RAPGEFL1: variants seen among roughly 807,000 people sequenced by gnomAD.
RAPGEFL1 encodes Rap guanine nucleotide exchange factor like 1.
RAPGEFL1 carries 31 observed loss-of-function variants against 64.4 expected under a neutral mutation model. The observed-to-expected ratio is 0.48, with a 90% CI of 0.36 to 0.65. RAPGEFL1 has a LOEUF of 0.65. RAPGEFL1 is among the 30% of genes least tolerant of loss of function. RAPGEFL1 has a pLI of 0.00. For synonymous variants in RAPGEFL1, 331 were observed against 274.1 expected, an observed-to-expected ratio of 1.21 and a Z score of -2.05; for missense variants, 682 against 677.4, an observed-to-expected ratio of 1.01 and a Z score of -0.08.
intron 2 of RAPGEFL1, among the ~76,000 whole-genome samples, chr17:40,183,950 T>C (rs922016008): frequency 3.3e-5 from 5 of 149,398 alleles, no homozygotes; most frequent in African/African-American, 5.0e-5. Flanking sequence ...TTCAAACGAT[T>C]CTTGTGCCTC....
chr17:40,185,400 C>T (rs953744326), intron 4 of RAPGEFL1, among the ~76,000 whole-genome samples: 1 of 151,710 alleles, frequency 6.6e-6, no homozygotes, highest in East Asian at 1.9e-4. Context: ...AGTAAAATGG[C>T]TGGGCAAGGT....
In RAPGEFL1 at chr17:40,177,544, C is replaced by T. The variant is rs900576873; in HGVS notation, c.-318C>T. On this transcript the variant is annotated 5_prime_UTR_variant, in exon 1 of 15. Coordinates refer to ENST00000620260, the MANE Select transcript of RAPGEFL1 (RefSeq NM_016339.6). The stretch of plus-strand genomic sequence containing the variant: ...CGCGTCCTCTCAGCCTTGCGCTCCG[C>T]CCGCTGCCTCTGCCGCCGCAGCGCA... The T allele has an allele frequency of 1.9e-6, 1 of 525,526 alleles. No homozygotes were observed. The highest frequency in any genetic ancestry group is 3.6e-5 in the Admixed American group (1 of 27,742). 32.6% of individuals were successfully genotyped at this position (525,526 alleles called of 1,614,324 possible).
chr17:40,178,927 G>A (rs1299471807), intron 1 of RAPGEFL1, among the ~76,000 whole-genome samples: 2 of 152,194 alleles, frequency 1.3e-5, no homozygotes, highest in Non-Finnish European at 2.9e-5. Flanking sequence ...TTGGTGGGGG[G>A]GATAGTATTC....
chr17:40,188,702 C>G, intron 4 of RAPGEFL1, 164 bp from the exon 5 acceptor site: 2 of 628,786 alleles, frequency 3.2e-6, no homozygotes, highest in Admixed American at 4.8e-5. Flanking sequence ...GGATAATTAT[C>G]CCATACTGCT....
At chr17:40,179,797 A>G (rs891871336) in intron 1 of RAPGEFL1, among the ~76,000 whole-genome samples, 2 of 152,088 alleles carry the variant, frequency 1.3e-5, no homozygotes, top group African/African-American at 4.8e-5. Context: ...GGGAACCCCA[A>G]CCTAGATGTG....
chr17:40,183,005 G>A (rs1235745125), intron 2 of RAPGEFL1, among the ~76,000 whole-genome samples: 1 of 152,064 alleles, frequency 6.6e-6, no homozygotes, highest in Non-Finnish European at 1.5e-5. Flanking sequence ...AAAATTAGCC[G>A]GGTTTGGTGG....
intron 6 of RAPGEFL1, among the ~76,000 whole-genome samples, chr17:40,190,088 G>A (rs557707353): frequency 3.8e-4 from 58 of 152,292 alleles, no homozygotes; most frequent in African/African-American, 1.3e-3. Context: ...ACATTTCACA[G>A]GCTAAAGACA....
rs1567693108 is a variant in RAPGEFL1, at chr17:40,184,818, C to T, written c.833+140C>T. 1.5e-5 allele frequency: 9 copies of T among 611,916 alleles called. No homozygotes were observed. The East Asian group carries it at 1.5e-4, about 10-fold the overall frequency. The allele number at this position is 611,916 out of a possible 1,614,324, so 37.9% of individuals were successfully genotyped here. ...GTTTTGAGACAGAGTCTCACTTTGT[C>T]GCCTAGGCTGGAGAGCAGTGGTGCG... On this transcript the variant is annotated intron_variant, in intron 4 of 14. Transcript: ENST00000620260.
chr17:40,182,956 T>A (rs933911544), intron 2 of RAPGEFL1, among the ~76,000 whole-genome samples: 2 of 152,134 alleles, frequency 1.3e-5, no homozygotes, highest in Non-Finnish European at 1.5e-5. Flanking sequence ...GAGATCAGCC[T>A]GGCCAACAAG....
At chr17:40,193,248 C>T in intron 13 of RAPGEFL1, 115 bp from the exon 14 acceptor site, 1 of 1,231,184 alleles carries the variant, frequency 8.1e-7, no homozygotes. Context: ...CAGAGACCCT[C>T]CAGAATTGGA....
chr17:40,191,039 G>C lies in RAPGEFL1; in HGVS notation c.1335+277G>C. On this transcript the variant is annotated intron_variant, in intron 8 of 14. Coordinates refer to ENST00000620260, the MANE Select transcript of RAPGEFL1 (RefSeq NM_016339.6). The surrounding 1 kb of genome is among the most constrained non-coding windows in gnomAD (Gnocchi z 5.1). The stretch of plus-strand genomic sequence containing the variant: ...TATTAAAGAAATAAAATAAGGCAGA[G>C]ACAATAATGCCTAGCAGATGGTTGT... 1 of 595,470 alleles carries C rather than the reference G, an allele frequency of 1.7e-6. No individual in the cohort carries two copies. Among genetic ancestry groups the C allele is most frequent in the Non-Finnish European group, 2.9e-6 (1 of 345,252 alleles). 36.9% of individuals were successfully genotyped at this position (595,470 alleles called of 1,614,324 possible). A position where few individuals can be genotyped will look rare whatever the true frequency, so the allele number is the denominator to read the frequency against.
Position 40,177,516 on chromosome 17 carries a change from C to T in RAPGEFL1, c.-346C>T, listed in dbSNP as rs1256476849. ...GGAGCGCAGCCGCCGCCGCCGCCGC[C>T]GCCGCGTCCTCTCAGCCTTGCGCTC... On this transcript the variant is annotated 5_prime_UTR_variant, in exon 1 of 15. Transcript: ENST00000620260. 3 of 597,004 alleles carry T rather than the reference C, an allele frequency of 5.0e-6. No homozygotes were observed. Among genetic ancestry groups the T allele is most frequent in the Admixed American group, 2.9e-5 (1 of 34,842 alleles). 37.0% of individuals were successfully genotyped at this position (597,004 alleles called of 1,614,324 possible).
At position 40,178,098 on chromosome 17, in the gene RAPGEFL1, G is replaced by C; in HGVS notation, c.237G>C (p.Pro79=). ...REPPAEPGLE[P]PPEEEGGEPA... The stretch of plus-strand genomic sequence containing the variant: ...CCCCCGCCGAGCCGGGGCTGGAGCC[G>C]CCCCCTGAGGAGGAAGGAGGAGAGC... Residue 79 remains proline (P), a synonymous_variant, in exon 1 of 15, where the codon CCG becomes CCC. Transcript: ENST00000620260. 1 of 583,478 alleles carries C rather than the reference G, an allele frequency of 1.7e-6. No homozygotes were observed. The highest frequency in any genetic ancestry group is 3.0e-6 in the Non-Finnish European group (1 of 331,996). 36.1% of individuals were successfully genotyped at this position (583,478 alleles called of 1,614,324 possible). A position where few individuals can be genotyped will look rare whatever the true frequency, so the allele number is the denominator to read the frequency against.
rs763072360 is a variant in RAPGEFL1, at chr17:40,192,987, G to A, written c.1806G>A (p.Lys602=). Residue 602 remains lysine (K), a synonymous_variant, in exon 13 of 15, where the codon AAG becomes AAA. Transcript: ENST00000620260. ...TLVDGLVNIE[K]LHSVAEKVRT... is the part of the protein sequence containing the mutation. Reference sequence around the variant, plus strand: ...TAGATGGTTTGGTGAACATCGAGAAGCTGGTGAGTGAGTGGCACTGCAAAC... The same window carrying A: ...TAGATGGTTTGGTGAACATCGAGAAACTGGTGAGTGAGTGGCACTGCAAAC... 2.2e-5 allele frequency: 36 copies of A among 1,613,616 alleles called. No individual in the cohort carries two copies. In the East Asian group the frequency reaches 7.8e-4, roughly 35 times the overall value.
rs1175865550 is a variant in RAPGEFL1 at position 40,193,897 on chromosome 17, G to T, written c.*109G>T. Reference sequence around the variant, plus strand: ...CATCTTTCCCGTGGAGCAACTTCCTGCTCCACGGGAAAGAGGTCGATGGAT... The same window carrying T: ...CATCTTTCCCGTGGAGCAACTTCCTTCTCCACGGGAAAGAGGTCGATGGAT... On this transcript the variant is annotated 3_prime_UTR_variant, in exon 15 of 15. Coordinates refer to ENST00000620260, the MANE Select transcript of RAPGEFL1 (RefSeq NM_016339.6). 1 of 1,450,778 alleles carries T rather than the reference G, an allele frequency of 6.9e-7. No homozygotes were observed. Among genetic ancestry groups the T allele is most frequent in the Middle Eastern group, 1.8e-4 (1 of 5,516 alleles). 89.9% of individuals were successfully genotyped at this position (1,450,778 alleles called of 1,614,324 possible).
chr17:40,186,574 CAAAAAAAAAAAAAAAAAAAAA>C (rs146110920), intron 4 of RAPGEFL1, among the ~76,000 whole-genome samples: 1 of 26,274 alleles, frequency 3.8e-5, no homozygotes, highest in Non-Finnish European at 8.2e-5. Context: ...GACTCCGTCT[CAAAAAAAAAAAAAAAAAAAAA>C]AAAAAAAAAA....
At chr17:40,187,673 T>A (rs1480431093) in intron 4 of RAPGEFL1, among the ~76,000 whole-genome samples, 1 of 151,386 alleles carries the variant, frequency 6.6e-6, no homozygotes, top group Non-Finnish European at 1.5e-5. Flanking sequence ...TGCAGTGGTG[T>A]GATCTCGGCT....
Position 40,178,035 on chromosome 17 carries a change from C to A in RAPGEFL1, c.174C>A (p.Ser58Arg). ...AGCGGTCGTTGCAGCGGCGTCAGAGCGTGTCTCGCCTGCTGCTCCCCGCTT... is the reference window on the plus strand; with the variant it reads ...AGCGGTCGTTGCAGCGGCGTCAGAGAGTGTCTCGCCTGCTGCTCCCCGCTT... Reference protein sequence around the residue: ...GGQRSLQRRQSVSRLLLPAFL... With the variant: ...GGQRSLQRRQRVSRLLLPAFL... Residue 58 changes from serine (S) to arginine (R), a missense_variant, in exon 1 of 15, where the codon AGC becomes AGA. This residue lies in a region of RAPGEFL1 where 271 missense variants were observed against 158.0 expected (regional missense o/e 1.72). Transcript: ENST00000620260. 1.7e-6 allele frequency: 1 copy of A among 577,018 alleles called. No individual in the cohort carries two copies. The highest frequency in any genetic ancestry group is 3.0e-6 in the Non-Finnish European group (1 of 328,480). 35.7% of individuals were successfully genotyped at this position (577,018 alleles called of 1,614,324 possible).
At chr17:40,177,010 A>G, upstream of RAPGEFL1, 1 of 700,888 alleles carries the variant, frequency 1.4e-6, no homozygotes, top group Non-Finnish European at 2.6e-6. Context: ...CACACCACCT[A>G]TTGTGCCCTA....
Sources: gnomAD v4.1 joint callset for allele counts (sites outside exome capture counted in the v4.1 genomes callset) on GRCh38, gnomAD v4.1.1 for gene constraint, gnomAD v4.1.1 regional missense constraint, Gnocchi (gnomAD v3.1) non-coding constraint, MANE v1.5 for transcripts, NCBI Gene and HGNC (gene_info 2026-07-23, HGNC 2026-07-21) for gene names.